MMP17: variants seen among roughly 807,000 people sequenced by gnomAD.
The protein encoded by MMP17 is matrix metalloproteinase-17.
Under a neutral mutation model 49.1 loss-of-function variants are expected in MMP17, and 54 were observed. The ratio of observed to expected loss-of-function variants is 1.10; its 90% confidence interval spans 0.88 to 1.38. The LOEUF (loss-of-function observed/expected upper bound fraction) is 1.38, where lower values mean the gene tolerates loss of function less well. Ranked by LOEUF, MMP17 falls within the 40% of genes most tolerant of loss-of-function variation. The pLI, the probability that MMP17 is intolerant of heterozygous loss-of-function variation, is 0.00. For synonymous variants in MMP17, 397 were observed against 383.1 expected (o/e 1.04, Z -0.42); for missense variants, 837 against 853.7 (o/e 0.98, Z 0.24).
chr12:131,836,833 C>A (rs889057358), intron 1 of MMP17, among the ~76,000 whole-genome samples: 7 of 152,200 alleles, frequency 4.6e-5, no homozygotes, highest in African/African-American at 1.7e-4. Flanking sequence ...TGCAAGTGGG[C>A]ACAGGCGCCA....
chr12:131,848,224 T>G (rs1887802253), intron 8 of MMP17, among the ~76,000 whole-genome samples: 1 of 152,136 alleles, frequency 6.6e-6, no homozygotes, highest in South Asian at 2.1e-4. Context: ...TAGCTGAGAC[T>G]ACAGGCGCTC....
chr12:131,849,857 C>T lies in MMP17; in HGVS notation c.1260C>T (p.Pro420=), dbSNP rs370586690. ...ACGTAGAGGAAGGATACCCGCGCCCCGTCTCCGACTTCAGCCTCCCGCCTG... is the reference window on the plus strand; with the variant it reads ...ACGTAGAGGAAGGATACCCGCGCCCTGTCTCCGACTTCAGCCTCCCGCCTG... ...DNNVEEGYPR[P]VSDFSLPPGG... Residue 420 remains proline (P), a synonymous_variant, in exon 9 of 10, where the codon CCC becomes CCT. Transcript: ENST00000360564. 1.8e-5 allele frequency: 29 copies of T among 1,613,918 alleles called. 1 individual carries two copies. In the South Asian group the frequency reaches 2.0e-4, roughly 11 times the overall value.
intron 8 of MMP17, among the ~76,000 whole-genome samples, chr12:131,845,801 A>G (rs1257944927): frequency 2.0e-5 from 3 of 152,118 alleles, no homozygotes. Flanking sequence ...GATGCTGTAC[A>G]AGCAGAAACT....
In MMP17 at chr12:131,851,371, G is replaced by C. The variant is rs914267829; in HGVS notation, c.*97G>C. 1.5e-5 allele frequency: 17 copies of C among 1,160,770 alleles called. No homozygotes were observed. The highest frequency in any genetic ancestry group is 9.5e-5 in the East Asian group (3 of 31,638). The allele number at this position is 1,160,770 out of a possible 1,614,324, so 71.9% of individuals were successfully genotyped here. ...GAGTCCCTGGGGGAGGTGCTGGCGC[G>C]GGATGAGGACGGGCCACCCTGGCAC... On this transcript the variant is annotated 3_prime_UTR_variant, in exon 10 of 10. Coordinates refer to ENST00000360564, the MANE Select transcript of MMP17 (RefSeq NM_016155.7).
rs1566085357 is a variant in MMP17 at position 131,838,339 on chromosome 12, A to C, written c.292+12A>C. On this transcript the variant is annotated intron_variant, in intron 2 of 9. Transcript: ENST00000360564. The stretch of plus-strand genomic sequence containing the variant: ...CACCGGCATCCTGGGTCAGTTCTCC[A>C]GGGGGCAGCGGGAGCGCCGTGGCCC... The C allele has an allele frequency of 1.2e-6, 2 of 1,611,404 alleles. No homozygotes were observed. The highest frequency in any genetic ancestry group is 2.7e-5 in the African/African-American group (2 of 74,876).
At chr12:131,844,179 G>T (rs1270970255) in intron 6 of MMP17, 98 bp downstream of exon 6, 8 of 1,014,760 alleles carry the variant, frequency 7.9e-6, no homozygotes, top group Non-Finnish European at 1.2e-5. Flanking sequence ...AGAGTCCTGG[G>T]AAACGCACAG....
intron 9 of MMP17, 27 bp downstream of exon 9, chr12:131,850,086 A>G: frequency 6.3e-7 from 1 of 1,581,054 alleles, no homozygotes; most frequent in Non-Finnish European, 8.6e-7. Context: ...GGGACGGGCC[A>G]TGCGGCCTTG....
chr12:131,844,003 G>C lies in MMP17; in HGVS notation c.890G>C (p.Arg297Pro). ...TCCTCCTTGTCTCCCGCAGGTGTGC[G>C]GGAGTCTGTGTCTCCCACGGCGCAG... Reference protein sequence around the residue: ...KVRVWQLYGVRESVSPTAQPE... With the variant: ...KVRVWQLYGVPESVSPTAQPE... The change falls in exon 6 of 10, where the codon CGG (arginine) becomes CCG (proline). Residue 297 changes from arginine to proline, a missense_variant. Transcript: ENST00000360564. 6.4e-7 allele frequency: 1 copy of C among 1,559,596 alleles called. No individual in the cohort carries two copies.
chr12:131,848,010 C>T (rs774010975), intron 8 of MMP17, among the ~76,000 whole-genome samples: 1 of 152,224 alleles, frequency 6.6e-6, no homozygotes, highest in Non-Finnish European at 1.5e-5. Flanking sequence ...CCCCTATTTA[C>T]AGACATCACA....
At position 131,847,399 on chromosome 12, in the gene MMP17, C is replaced by T. The variant is rs186228589; in HGVS notation, c.1204+1950C>T. 5.8e-3 allele frequency among the ~76,000 whole-genome samples: 830 copies of T among 143,510 alleles called. 7 individuals carry two copies. Among genetic ancestry groups the T allele is most frequent in the South Asian group, 0.023 (105 of 4,616 alleles). 94.1% of individuals were successfully genotyped at this position (143,510 alleles called of 152,430 possible). ...CTGGACTCCAGCCTGGGTGACAGAG[C>T]GAGACTCCGTCTCAAAAAAAAAAAA... On this transcript the variant is annotated intron_variant, in intron 8 of 9. Coordinates refer to ENST00000360564, the MANE Select transcript of MMP17 (RefSeq NM_016155.7).
At chr12:131,832,468 G>T (rs1886874997) in intron 1 of MMP17, among the ~76,000 whole-genome samples, 1 of 152,026 alleles carries the variant, frequency 6.6e-6, no homozygotes, top group South Asian at 2.1e-4. Context: ...GGTTCCAGGG[G>T]CACTTTGCGC....
At chr12:131,830,816 G>C (rs1424155931) in intron 1 of MMP17, among the ~76,000 whole-genome samples, 1 of 152,216 alleles carries the variant, frequency 6.6e-6, no homozygotes, top group East Asian at 1.9e-4. Flanking sequence ...AGGCTGCTGG[G>C]CTGCGGAGCC....
intron 6 of MMP17, 79 bp from the exon 7 acceptor site, chr12:131,845,039 T>C (rs1593235295): frequency 7.5e-7 from 1 of 1,341,902 alleles, no homozygotes; most frequent in Non-Finnish European, 1.0e-6. Context: ...GCCGCTCAGG[T>C]CAGGGGCTCT....
At position 131,838,325 on chromosome 12, in the gene MMP17, T is replaced by C; in HGVS notation, c.290T>C (p.Leu97Pro). Residue 97 changes from leucine to proline, a missense_variant and splice_region_variant, in exon 2 of 10, where the codon CTG (leucine) becomes CCG (proline). Leu to Pro is a moderately conservative substitution (Grantham distance 98). Transcript: ENST00000360564. Reference protein sequence around the residue: ...QFGGLEATGILDEATLALMKT... With the variant: ...QFGGLEATGIPDEATLALMKT... Reference sequence around the variant, plus strand: ...GGTGGCCTGGAGGCCACCGGCATCCTGGGTCAGTTCTCCAGGGGGCAGCGG... The same window carrying C: ...GGTGGCCTGGAGGCCACCGGCATCCCGGGTCAGTTCTCCAGGGGGCAGCGG... 1 of 1,612,740 alleles carries C rather than the reference T, an allele frequency of 6.2e-7. No homozygotes were observed. Among genetic ancestry groups the C allele is most frequent in the South Asian group, 1.1e-5 (1 of 91,064 alleles).
chr12:131,835,122 C>G (rs2136313242), intron 1 of MMP17, among the ~76,000 whole-genome samples: 1 of 152,320 alleles, frequency 6.6e-6, no homozygotes, highest in Non-Finnish European at 1.5e-5. Flanking sequence ...ACGGCCCCTC[C>G]CAGGATGCCT....
Position 131,843,984 on chromosome 12 carries a change from TTGTCTCCCGCAGGTGTGCGGGAGTCTG to T in MMP17, c.884-4_906del, listed in dbSNP as rs768511452. ...CGGGGGTTTGAGGCCGTCCTCCTCC[TTGTCTCCCGCAGGTGTGCGGGAGTCTG>T]TGTCTCCCACGGCGCAGCCCGAGGA... On this transcript the variant is annotated splice_acceptor_variant and splice_polypyrimidine_tract_variant and coding_sequence_variant and intron_variant, in exon 6 of 10. Coordinates refer to ENST00000360564, the MANE Select transcript of MMP17 (RefSeq NM_016155.7). LOFTEE classifies it high-confidence loss of function. 8.2e-5 allele frequency: 127 copies of T among 1,539,606 alleles called. No individual in the cohort carries two copies. Among genetic ancestry groups the T allele is most frequent in the Non-Finnish European group, 1.1e-4 (121 of 1,142,804 alleles).
intron 8 of MMP17, among the ~76,000 whole-genome samples, chr12:131,848,969 G>T (rs768740902): frequency 6.6e-6 from 1 of 152,148 alleles, no homozygotes; most frequent in Admixed American, 6.5e-5. Flanking sequence ...TATTTTTGAC[G>T]TTTTGGGGAG....
rs1887973309 is a variant in MMP17 at position 131,851,501 on chromosome 12, G to A, written c.*227G>A. On this transcript the variant is annotated 3_prime_UTR_variant, in exon 10 of 10. Coordinates refer to ENST00000360564, the MANE Select transcript of MMP17 (RefSeq NM_016155.7). ...ACTGTGTTGACTGACGAGCCGAGGG[G>A]TGGCCGCTCCAGAAGGGTGCCCAGT... 7.4e-6 allele frequency: 3 copies of A among 407,908 alleles called. No individual in the cohort carries two copies. The highest frequency in any genetic ancestry group is 1.3e-4 in the South Asian group (1 of 7,938). The allele number at this position is 407,908 out of a possible 1,614,324, so 25.3% of individuals were successfully genotyped here.
intron 1 of MMP17, among the ~76,000 whole-genome samples, chr12:131,833,203 C>T (rs1414454193): frequency 2.0e-5 from 3 of 152,254 alleles, no homozygotes; most frequent in Non-Finnish European, 4.4e-5. Flanking sequence ...AGGGACCACC[C>T]CCAGCCTTGC....
Sources: allele counts gnomAD v4.1 joint callset (sites outside exome capture counted in the v4.1 genomes callset), GRCh38; gene constraint gnomAD v4.1.1; transcripts MANE v1.5; gene names NCBI Gene and HGNC (gene_info 2026-07-23, HGNC 2026-07-21).